The following PARD3B variants were observed in gnomAD, a reference collection of about 807,000 sequenced individuals.
The protein encoded by PARD3B is partitioning defective 3 homolog B.
Under a neutral mutation model 130.2 loss-of-function variants are expected in PARD3B, and 103 were observed. That is an observed-to-expected ratio of 0.79 (90% CI 0.67 to 0.93). The LOEUF (loss-of-function observed/expected upper bound fraction) is 0.93. Ranked by LOEUF, PARD3B falls within the 40% of genes least tolerant of loss-of-function variation. The pLI, the probability that PARD3B is intolerant of heterozygous loss-of-function variation, is 0.00. For missense variants in PARD3B, 1,609 were observed against 1,499.2 expected, an observed-to-expected ratio of 1.07 and a Z score of -1.21; for synonymous variants, 583 against 553.2, an observed-to-expected ratio of 1.05 and a Z score of -0.76.
At chr2:205,219,869 C>T (rs2038147512) in intron 15 of PARD3B, among the ~76,000 whole-genome samples, 1 of 152,118 alleles carries the variant, frequency 6.6e-6, no homozygotes, top group Non-Finnish European at 1.5e-5. Context: ...ATGAAGAGAG[C>T]AGACATGGTT....
Position 205,062,248 on chromosome 2 carries a change from C to T in PARD3B, c.504+14558C>T, listed in dbSNP as rs548546219. On this transcript the variant is annotated intron_variant, in intron 4 of 22. Transcript: ENST00000406610. ...ATTTTTAAAGCAATGTATGATAATACGTTCGTTGAGGTCGTAATGAAAGTA... is the reference window on the plus strand; with the variant it reads ...ATTTTTAAAGCAATGTATGATAATATGTTCGTTGAGGTCGTAATGAAAGTA... Among the ~76,000 whole-genome samples, 110 of 151,980 alleles carry T rather than the reference C, an allele frequency of 7.2e-4. 1 individual carries two copies. The Middle Eastern group carries it at 0.02, about 28-fold the overall frequency.
At chr2:204,786,157 C>T (rs1222447306) in intron 2 of PARD3B, among the ~76,000 whole-genome samples, 5 of 150,818 alleles carry the variant, frequency 3.3e-5, no homozygotes, top group South Asian at 2.1e-4. Context: ...ACCAACGAAT[C>T]GCTATTCTCT....
chr2:204,651,940 G>A (rs1038128442), intron 1 of PARD3B, among the ~76,000 whole-genome samples: 1 of 152,170 alleles, frequency 6.6e-6, no homozygotes, highest in Non-Finnish European at 1.5e-5. Flanking sequence ...GCCATGGCTG[G>A]AACTGGAGTG....
chr2:204,555,530 C>T (rs1032430443), intron 1 of PARD3B, among the ~76,000 whole-genome samples: 1 of 152,106 alleles, frequency 6.6e-6, no homozygotes, highest in Non-Finnish European at 1.5e-5. Context: ...TGCACTCCAG[C>T]CTGGGCAACA....
chr2:205,035,112 C>G (rs541314583), intron 3 of PARD3B, among the ~76,000 whole-genome samples: 23 of 152,100 alleles, frequency 1.5e-4, no homozygotes, highest in African/African-American at 4.1e-4. Context: ...ATCCCCCCCC[C>G]TCAGCCTCCC....
At chr2:205,472,305 A>T (rs542898733) in intron 20 of PARD3B, among the ~76,000 whole-genome samples, 1 of 152,162 alleles carries the variant, frequency 6.6e-6, no homozygotes, top group East Asian at 1.9e-4. Context: ...ACACACACAC[A>T]CTTTCTCTTT....
chr2:205,575,084 G>GACACAC lies in PARD3B; in HGVS notation c.3260+21706_3260+21711dup, dbSNP rs3077829. ...AATACATTATATACACATTTAAATA[G>GACACAC]ACACACACACACACACACACACACA... On this transcript the variant is annotated intron_variant, in intron 22 of 22. Coordinates refer to ENST00000406610, the MANE Select transcript of PARD3B (RefSeq NM_001302769.2). This position sits in a 1 kb window ranked among gnomAD's most constrained non-coding sequence, Gnocchi z 4.6. 0.19 allele frequency among the ~76,000 whole-genome samples: 23,808 copies of GACACAC among 128,380 alleles called. 2,353 individuals carry two copies. Among genetic ancestry groups the GACACAC allele is most frequent in the East Asian group, 0.37 (1,609 of 4,384 alleles). The allele number at this position is 128,380 out of a possible 152,430, so 84.2% of individuals were successfully genotyped here.
chr2:204,911,517 T>C (rs1315608174), intron 2 of PARD3B, among the ~76,000 whole-genome samples: 3 of 152,230 alleles, frequency 2.0e-5, no homozygotes, highest in Admixed American at 1.3e-4. Flanking sequence ...AAATTTTCTA[T>C]TGTAAATTTC....
At chr2:204,963,473 A>G (rs1219979276) in intron 2 of PARD3B, among the ~76,000 whole-genome samples, 2 of 152,182 alleles carry the variant, frequency 1.3e-5, no homozygotes, top group Non-Finnish European at 2.9e-5. Flanking sequence ...TAGTACCAAT[A>G]TAATATGCCA....
intron 21 of PARD3B, among the ~76,000 whole-genome samples, chr2:205,514,872 C>T (rs1159193100): frequency 6.5e-5 from 9 of 137,750 alleles, no homozygotes; most frequent in Admixed American, 4.6e-4. Flanking sequence ...AGGGTACATG[C>T]GAAGGTTTGT....
intron 3 of PARD3B, among the ~76,000 whole-genome samples, chr2:205,003,305 C>T (rs1291607762): frequency 2.6e-5 from 4 of 152,080 alleles, no homozygotes; most frequent in Admixed American, 1.3e-4. Flanking sequence ...CTTCTACTTG[C>T]GATCTTAATT....
At position 204,677,106 on chromosome 2, in the gene PARD3B, A is replaced by G. The variant is rs2036588934; in HGVS notation, c.121-9075A>G. ...CTTTTAGTTGGATTGGAGATCTCCT[A>G]TGGTCATTTAACTCTCTGCTGTTAC... On this transcript the variant is annotated intron_variant, in intron 1 of 22. Coordinates refer to ENST00000406610, the MANE Select transcript of PARD3B (RefSeq NM_001302769.2). The surrounding 1 kb of genome is among the most constrained non-coding windows in gnomAD (Gnocchi z 4.1). Among the ~76,000 whole-genome samples the G allele has an allele frequency of 1.3e-5, 2 of 152,116 alleles. No homozygotes were observed. The highest frequency in any genetic ancestry group is 1.5e-5 in the Non-Finnish European group (1 of 68,018).
intron 18 of PARD3B, among the ~76,000 whole-genome samples, chr2:205,353,316 C>T (rs1200318520): frequency 6.6e-6 from 1 of 152,186 alleles, no homozygotes; most frequent in Non-Finnish European, 1.5e-5. Flanking sequence ...CCTTTTCTCC[C>T]CCTTGATAGT....
At chr2:205,505,449 A>G (rs1299579693) in intron 21 of PARD3B, among the ~76,000 whole-genome samples, 1 of 152,196 alleles carries the variant, frequency 6.6e-6, no homozygotes, top group Non-Finnish European at 1.5e-5. Context: ...GTAAATATGG[A>G]CTTGAGACCT....
At chr2:205,609,863 T>TA (rs2055167836) in intron 22 of PARD3B, among the ~76,000 whole-genome samples, 1 of 152,160 alleles carries the variant, frequency 6.6e-6, no homozygotes, top group South Asian at 2.1e-4. Context: ...TTCCACATCC[T>TA]AAAAGGAGCT....
In PARD3B at chr2:205,589,592, G is replaced by T. The variant is rs929901357; in HGVS notation, c.3261-25864G>T. On this transcript the variant is annotated intron_variant, in intron 22 of 22. Transcript: ENST00000406610. The surrounding 1 kb of genome is among the most constrained non-coding windows in gnomAD (Gnocchi z 4.1). ...CCTTCCTTTTTATTTACTCCCTTGG[G>T]TCTGAGCAGGCAAGACTTGTCTTGG... Among the ~76,000 whole-genome samples the T allele has an allele frequency of 6.6e-6, 1 of 152,160 alleles. No individual in the cohort carries two copies. Among genetic ancestry groups the T allele is most frequent in the Non-Finnish European group, 1.5e-5 (1 of 68,024 alleles).
At chr2:205,254,047 T>C (rs1034016462) in intron 16 of PARD3B, among the ~76,000 whole-genome samples, 4 of 144,538 alleles carry the variant, frequency 2.8e-5, no homozygotes, top group African/African-American at 7.9e-5. Context: ...GCAAGTCACG[T>C]TGGAAGACAC....
intron 18 of PARD3B, among the ~76,000 whole-genome samples, chr2:205,368,786 G>A (rs778837304): frequency 5.9e-5 from 9 of 151,670 alleles, no homozygotes; most frequent in South Asian, 4.2e-4. Flanking sequence ...TAGGCATGTC[G>A]TGTCCTCAGG....
chr2:204,945,290 G>T (rs1318003253), intron 2 of PARD3B, among the ~76,000 whole-genome samples: 1 of 152,152 alleles, frequency 6.6e-6, no homozygotes, highest in African/African-American at 2.4e-5. Flanking sequence ...CTAGAAAATT[G>T]GGGTCATTGA....
Sources: gnomAD v4.1 joint callset for allele counts (sites outside exome capture counted in the v4.1 genomes callset) on GRCh38, gnomAD v4.1.1 for gene constraint, Gnocchi (gnomAD v3.1) non-coding constraint, MANE v1.5 for transcripts, NCBI Gene and HGNC (gene_info 2026-07-23, HGNC 2026-07-21) for gene names.